SLC22A25: variants seen among roughly 807,000 people sequenced by gnomAD.
The protein encoded by SLC22A25 is MGI:2442751, MGI:2385316, MGI:3042283, MGI:3645714, MGI:3605624, MGI:2442750.
Under a neutral mutation model 45.9 loss-of-function variants are expected in SLC22A25, and 44 were observed. That is an observed-to-expected ratio of 0.96 (90% confidence interval 0.75 to 1.23). The LOEUF (loss-of-function observed/expected upper bound fraction) is 1.23, where lower values mean the gene tolerates loss of function less well. Ranked by LOEUF, SLC22A25 falls within the 50% of genes most tolerant of loss-of-function variation. The pLI, the probability that SLC22A25 is intolerant of heterozygous loss-of-function variation, is 0.00. For synonymous variants in SLC22A25, 283 were observed against 238.6 expected, an observed-to-expected ratio of 1.19 and a Z score of -1.72; for missense variants, 800 against 666.4, an observed-to-expected ratio of 1.20 and a Z score of -2.21.
chr11:63,236,297 C>T (rs570319118), intron 3 of SLC22A25, among the ~76,000 whole-genome samples: 24 of 152,160 alleles, frequency 1.6e-4, no homozygotes, highest in Non-Finnish European at 2.6e-4. Flanking sequence ...CCACCCAGTT[C>T]GAGCTTCCCG....
chr11:63,185,569 T>C (rs2088501916), intron 7 of SLC22A25, among the ~76,000 whole-genome samples: 1 of 150,420 alleles, frequency 6.6e-6, no homozygotes, highest in Non-Finnish European at 1.5e-5. Context: ...ATACTTTAAG[T>C]TTTAGGGTAC....
intron 7 of SLC22A25, among the ~76,000 whole-genome samples, chr11:63,186,251 T>C (rs938195148): frequency 2.0e-5 from 3 of 147,158 alleles, no homozygotes; most frequent in Admixed American, 6.8e-5. Context: ...TGGTGTGAGA[T>C]GGTATCTCAT....
At chr11:63,221,030 G>T (rs1178358380) in intron 5 of SLC22A25, among the ~76,000 whole-genome samples, 1 of 151,970 alleles carries the variant, frequency 6.6e-6, no homozygotes, top group Non-Finnish European at 1.5e-5. Context: ...CATCTGTTGT[G>T]GACACTTAGG....
chr11:63,213,754 T>C (rs2089639261), intron 7 of SLC22A25, among the ~76,000 whole-genome samples: 1 of 152,114 alleles, frequency 6.6e-6, no homozygotes, highest in Admixed American at 6.6e-5. Flanking sequence ...CACTGTTGCA[T>C]AAATATGGTG....
At chr11:63,216,808 TTAAAA>T (rs199991475) in intron 7 of SLC22A25, among the ~76,000 whole-genome samples, 3,689 of 149,724 alleles carry the variant, frequency 0.025, 149 homozygotes, top group African/African-American at 0.085. Flanking sequence ...ACCCCTGAAC[TTAAAA>T]TAAAAGTTAA....
chr11:63,204,724 A>G (rs1037666201), intron 7 of SLC22A25, among the ~76,000 whole-genome samples: 2 of 152,118 alleles, frequency 1.3e-5, no homozygotes, highest in Non-Finnish European at 2.9e-5. Context: ...AGACTTTAAC[A>G]CCCCACTGTC....
At chr11:63,191,183 G>A (rs765631533) in intron 7 of SLC22A25, among the ~76,000 whole-genome samples, 16 of 152,320 alleles carry the variant, frequency 1.1e-4, no homozygotes, top group Non-Finnish European at 1.9e-4. Context: ...CTCAAGCTGC[G>A]GTGGGCTCCA....
At chr11:63,218,275 A>T (rs2089770753) in intron 5 of SLC22A25, 1 of 329,826 alleles carries the variant, frequency 3.0e-6, no homozygotes, top group African/African-American at 2.2e-5. Flanking sequence ...AATGTCCTCA[A>T]CTTATAAGGG....
In SLC22A25 at chr11:63,191,671, T is replaced by C. The variant is rs11501670; in HGVS notation, c.831-7854A>G. On this transcript the variant is annotated intron_variant, in intron 7 of 11. Coordinates refer to ENST00000306494, the MANE Select transcript of SLC22A25 (RefSeq NM_199352.6). ...GAACTGTAGACTGGAGCTGTTCCTATTTGGCCATCTTGGCTCCACCCCCCC... is the reference window on the plus strand; with the variant it reads ...GAACTGTAGACTGGAGCTGTTCCTACTTGGCCATCTTGGCTCCACCCCCCC... 3.1e-3 allele frequency among the ~76,000 whole-genome samples: 478 copies of C among 152,256 alleles called. 3 individuals carry two copies. Among genetic ancestry groups the C allele is most frequent in the African/African-American group, 0.01 (435 of 41,568 alleles).
intron 7 of SLC22A25, among the ~76,000 whole-genome samples, chr11:63,186,450 T>A (rs1445629120): frequency 3.3e-5 from 5 of 150,540 alleles, no homozygotes; most frequent in African/African-American, 1.2e-4. Flanking sequence ...ATTAGCCCTT[T>A]GTCAGATGAG....
chr11:63,196,962 C>T (rs565396705), intron 7 of SLC22A25, among the ~76,000 whole-genome samples: 1 of 148,174 alleles, frequency 6.7e-6, no homozygotes, highest in East Asian at 1.9e-4. Flanking sequence ...ACAGCAATAA[C>T]AGACACACAG....
In SLC22A25 at chr11:63,229,473, A is replaced by G; in HGVS notation, c.180T>C (p.Pro60=). Residue 60 remains proline, a synonymous_variant, in exon 4 of 12, where the codon CCT becomes CCC. Transcript: ENST00000306494. ...GGCTGAGGGTCCCAGGGTCATTGTC[A>G]GGGATAGTGTCATTGTCCAGTATAT... The part of the protein sequence containing the change: ...WVHILDNDTI[P]DNDPGTLSQD... The G allele has an allele frequency of 1.2e-6, 2 of 1,614,136 alleles. No homozygotes were observed. The highest frequency in any genetic ancestry group is 2.2e-5 in the East Asian group (1 of 44,880).
intron 9 of SLC22A25, among the ~76,000 whole-genome samples, chr11:63,170,129 CA>C (rs1234761951): frequency 6.6e-6 from 1 of 152,050 alleles, no homozygotes; most frequent in Non-Finnish European, 1.5e-5. Context: ...AGAACAAAGA[CA>C]AAATGTATGA....
chr11:63,235,449 C>T lies in SLC22A25; in HGVS notation c.-445+2432G>A, dbSNP rs1351304058. 2.0e-5 allele frequency among the ~76,000 whole-genome samples: 3 copies of T among 152,196 alleles called. No homozygotes were observed. In the East Asian group the frequency reaches 5.8e-4, roughly 29 times the overall value. ...CAGTTGATCGCATTGTTTACTGAGA[C>T]TTGTGCATTTGTCACGTAGTTCTTG... On this transcript the variant is annotated intron_variant, in intron 3 of 11. Coordinates refer to ENST00000306494, the MANE Select transcript of SLC22A25 (RefSeq NM_199352.6).
intron 9 of SLC22A25, among the ~76,000 whole-genome samples, chr11:63,177,529 C>A (rs1049186311): frequency 1.3e-5 from 2 of 151,466 alleles, no homozygotes; most frequent in African/African-American, 2.4e-5. Context: ...ATTTTTGTAC[C>A]CATTAGCTCA....
intron 7 of SLC22A25, among the ~76,000 whole-genome samples, chr11:63,184,364 C>T (rs1590811559): frequency 1.3e-5 from 2 of 152,182 alleles, no homozygotes. Context: ...ATAAGAGGAA[C>T]TAATGGATGA....
chr11:63,231,200 G>C (rs1020541316), intron 3 of SLC22A25, among the ~76,000 whole-genome samples: 1 of 152,188 alleles, frequency 6.6e-6, no homozygotes, highest in Non-Finnish European at 1.5e-5. Context: ...GGTATTTCTA[G>C]TTCTGGATCC....
intron 1 of SLC22A25, among the ~76,000 whole-genome samples, 194 bp from the exon 2 acceptor site, chr11:63,239,329 G>T (rs2090211788): frequency 6.6e-6 from 1 of 152,090 alleles, no homozygotes; most frequent in African/African-American, 2.4e-5. Flanking sequence ...TAAAGTCAAA[G>T]AAAAATATTT....
intron 7 of SLC22A25, among the ~76,000 whole-genome samples, chr11:63,200,727 C>T (rs2089212267): frequency 6.6e-6 from 1 of 152,060 alleles, no homozygotes; most frequent in Admixed American, 6.6e-5. Flanking sequence ...TATCCCTGTT[C>T]ATAGATGACA....
Sources: allele counts gnomAD v4.1 joint callset (sites outside exome capture counted in the v4.1 genomes callset), GRCh38; gene constraint gnomAD v4.1.1; transcripts MANE v1.5; gene names NCBI Gene and HGNC (gene_info 2026-07-23, HGNC 2026-07-21).